Variants in TENM2 observed in about 807,000 individuals in gnomAD.
TENM2 encodes the protein teneurin transmembrane protein 2.
Under a neutral mutation model 245.2 loss-of-function variants are expected in TENM2, and 52 were observed. That is an observed-to-expected ratio of 0.21 (90% CI 0.17 to 0.27). TENM2 has a LOEUF of 0.27. Ranked by LOEUF, TENM2 falls within the 10% of genes least tolerant of loss-of-function variation. The pLI is 1.00. For missense variants in TENM2, 3,046 were observed against 3,666.8 expected (o/e 0.83, Z 4.37); for synonymous variants, 1,363 against 1,438.9 (o/e 0.95, Z 1.19).
the TENM2 span, among the ~76,000 whole-genome samples, chr5:167,122,826 T>G: frequency 1.3e-5 from 2 of 152,202 alleles, no homozygotes; most frequent in African/African-American, 4.8e-5. Flanking sequence ...TTCATGGACC[T>G]TAAATGGTGT....
intron 17 of TENM2, among the ~76,000 whole-genome samples, chr5:168,200,992 G>T (rs1219004413): frequency 6.6e-6 from 1 of 152,176 alleles, no homozygotes; most frequent in African/African-American, 2.4e-5. Flanking sequence ...ATGTGTATCA[G>T]ACGTTCCTTT....
At chr5:167,270,606 T>C in the TENM2 span, among the ~76,000 whole-genome samples, 1 of 152,114 alleles carries the variant, frequency 6.6e-6, no homozygotes, top group Non-Finnish European at 1.5e-5. Context: ...ATGGTGCCCT[T>C]ACCCTTGATG....
At chr5:167,512,876 T>C (rs1392224257) in intron 2 of TENM2, among the ~76,000 whole-genome samples, 1 of 152,206 alleles carries the variant, frequency 6.6e-6, no homozygotes, top group Non-Finnish European at 1.5e-5. Context: ...CAGTAGCGTT[T>C]CTTTCTTTGA....
At chr5:167,722,656 C>T (rs946687088) in intron 2 of TENM2, among the ~76,000 whole-genome samples, 2 of 151,990 alleles carry the variant, frequency 1.3e-5, no homozygotes, top group Non-Finnish European at 2.9e-5. Context: ...CGCCTGTAGT[C>T]CCAGCTACTA....
chr5:167,034,194 C>T, the TENM2 span, among the ~76,000 whole-genome samples: 1 of 152,074 alleles, frequency 6.6e-6, no homozygotes, highest in African/African-American at 2.4e-5. Context: ...ATAGCATGTA[C>T]GGGCTTGAGG....
At chr5:167,003,793 C>T in the TENM2 span, among the ~76,000 whole-genome samples, 1 of 152,150 alleles carries the variant, frequency 6.6e-6, no homozygotes, top group Non-Finnish European at 1.5e-5. Flanking sequence ...GGGGAAGGAA[C>T]TCATTGTACA....
chr5:168,064,995 C>T (rs531762332), intron 7 of TENM2, among the ~76,000 whole-genome samples: 86 of 152,260 alleles, frequency 5.6e-4, no homozygotes, highest in Middle Eastern at 3.4e-3. Context: ...CGGGGATAGG[C>T]GACTGACGTC....
intron 2 of TENM2, among the ~76,000 whole-genome samples, chr5:167,554,846 G>A (rs1773159113): frequency 6.6e-6 from 1 of 152,136 alleles, no homozygotes; most frequent in African/African-American, 2.4e-5. Context: ...TTTCAAAGGA[G>A]CTTCTCTCTC....
chr5:167,923,002 C>T (rs555890922), intron 3 of TENM2, among the ~76,000 whole-genome samples: 1 of 152,198 alleles, frequency 6.6e-6, no homozygotes, highest in Non-Finnish European at 1.5e-5. Context: ...ATGCTTCCCC[C>T]CAGTGCCTCT....
intron 9 of TENM2, among the ~76,000 whole-genome samples, chr5:168,103,654 G>A (rs1020922853): frequency 3.9e-5 from 6 of 152,124 alleles, no homozygotes; most frequent in African/African-American, 1.4e-4. Context: ...CATCAGAGAT[G>A]CACTTCTGAT....
the TENM2 span, among the ~76,000 whole-genome samples, chr5:167,172,975 A>C: frequency 2.0e-5 from 3 of 152,292 alleles, no homozygotes; most frequent in Admixed American, 6.5e-5. Context: ...GCAGGGTCTG[A>C]AGGTACTGTG....
the TENM2 span, among the ~76,000 whole-genome samples, chr5:167,130,392 T>C: frequency 2.0e-5 from 3 of 152,158 alleles, no homozygotes; most frequent in African/African-American, 7.2e-5. Context: ...TTCTAAGCGC[T>C]TTTACATTTA....
the TENM2 span, among the ~76,000 whole-genome samples, chr5:167,038,834 C>T: frequency 3.9e-5 from 6 of 152,130 alleles, no homozygotes; most frequent in South Asian, 6.2e-4. Flanking sequence ...TCCTTGGACT[C>T]GGTTTACTCA....
chr5:168,192,855 GA>G (rs1432352251), intron 14 of TENM2, among the ~76,000 whole-genome samples: 16 of 152,132 alleles, frequency 1.1e-4, no homozygotes, highest in Non-Finnish European at 2.2e-4. Context: ...TGCATCCTCT[GA>G]AGGCCTGTTT....
chr5:167,812,163 A>G (rs543223079), intron 2 of TENM2, among the ~76,000 whole-genome samples: 1 of 152,332 alleles, frequency 6.6e-6, no homozygotes, highest in African/African-American at 2.4e-5. Flanking sequence ...AGATGAGATC[A>G]TCCAATAAAA....
chr5:167,377,551 C>A (rs766125646), intron 2 of TENM2, among the ~76,000 whole-genome samples: 1 of 152,088 alleles, frequency 6.6e-6, no homozygotes, highest in Non-Finnish European at 1.5e-5. Flanking sequence ...AAAAGAGGTA[C>A]ATAATGTATC....
the TENM2 span, among the ~76,000 whole-genome samples, chr5:167,062,532 A>C: frequency 6.6e-6 from 1 of 152,154 alleles, no homozygotes; most frequent in Non-Finnish European, 1.5e-5. Context: ...TGGTGAAAGA[A>C]AGAATCAAGG....
chr5:168,071,503 A>G (rs1791011098), intron 7 of TENM2, among the ~76,000 whole-genome samples: 1 of 152,156 alleles, frequency 6.6e-6, no homozygotes, highest in Non-Finnish European at 1.5e-5. Context: ...CATACCACAC[A>G]CAAACTATTT....
intron 2 of TENM2, among the ~76,000 whole-genome samples, chr5:167,750,691 T>G (rs1193004013): frequency 6.6e-6 from 1 of 152,132 alleles, no homozygotes; most frequent in Non-Finnish European, 1.5e-5. Context: ...CTGCCACTGA[T>G]GTACACATTC....
Sources: gnomAD v4.1 joint callset for allele counts (sites outside exome capture counted in the v4.1 genomes callset) on GRCh38, gnomAD v4.1.1 for gene constraint, MANE v1.5 for transcripts, NCBI Gene and HGNC (gene_info 2026-07-23, HGNC 2026-07-21) for gene names.